The following ASB7 variants were observed in gnomAD, a reference collection of about 807,000 sequenced individuals.
The protein encoded by ASB7 is ankyrin repeat and SOCS box protein 7.
In ASB7, 4 loss-of-function variants were observed where a neutral mutation model predicts 32.5. The ratio of observed to expected loss-of-function variants is 0.12; its 90% CI spans 0.06 to 0.28. ASB7 has a LOEUF of 0.28. Ranked by LOEUF, ASB7 falls within the 10% of genes least tolerant of loss-of-function variation. The pLI is 1.00. For missense variants in ASB7, 181 were observed against 407.1 expected (o/e 0.44, Z 4.78); for synonymous variants, 172 against 155.6 (o/e 1.11, Z -0.78).
intron 2 of ASB7, among the ~76,000 whole-genome samples, chr15:100,608,619 G>A (rs926769828): frequency 2.6e-5 from 4 of 152,060 alleles, no homozygotes; most frequent in Non-Finnish European, 5.9e-5. Context: ...TCTTAGAATC[G>A]GCCATTTGTA....
At chr15:100,610,765 T>C (rs2039689262) in intron 3 of ASB7, among the ~76,000 whole-genome samples, 1 of 152,230 alleles carries the variant, frequency 6.6e-6, no homozygotes, top group African/African-American at 2.4e-5. Context: ...TATCCTGATA[T>C]GTCTAACCTA....
At chr15:100,631,022 C>A (rs548964523) in intron 5 of ASB7, among the ~76,000 whole-genome samples, 161 of 152,314 alleles carry the variant, frequency 1.1e-3, no homozygotes, top group African/African-American at 3.7e-3. Flanking sequence ...ACCCACTCTA[C>A]CCCTTGGAGC....
chr15:100,632,603 G>A (rs764159102), intron 5 of ASB7, among the ~76,000 whole-genome samples: 1 of 152,136 alleles, frequency 6.6e-6, no homozygotes, highest in Non-Finnish European at 1.5e-5. Flanking sequence ...TCTAGCCCGC[G>A]TGCTGTGGGC....
rs141004774 is a variant in ASB7, at chr15:100,621,120, T to C, written c.212-8317T>C. On this transcript the variant is annotated intron_variant, in intron 4 of 5. Transcript: ENST00000332783. ...CTGATGGGAATTTATGAGAGTACAT[T>C]TGGAAAGCAGTTTAGCAGTATGTAT... Among the ~76,000 whole-genome samples the C allele has an allele frequency of 1.5e-3, 235 of 152,344 alleles. 5 individuals carry two copies. Among genetic ancestry groups the C allele is most frequent in the Admixed American group, 0.012 (182 of 15,304 alleles).
chr15:100,604,196 G>A (rs1254254792), intron 2 of ASB7, among the ~76,000 whole-genome samples: 8 of 152,196 alleles, frequency 5.3e-5, no homozygotes. Flanking sequence ...GAGTTTGCTG[G>A]ATTGAAATTT....
intron 4 of ASB7, among the ~76,000 whole-genome samples, chr15:100,613,817 A>C (rs1459272737): frequency 6.6e-6 from 1 of 152,200 alleles, no homozygotes; most frequent in African/African-American, 2.4e-5. Flanking sequence ...CTTTCAAATG[A>C]AGCAAATCTT....
intron 4 of ASB7, among the ~76,000 whole-genome samples, chr15:100,628,509 A>G (rs921821725): frequency 6.6e-5 from 10 of 152,160 alleles, no homozygotes; most frequent in Non-Finnish European, 1.0e-4. Flanking sequence ...GGTCTGATCA[A>G]TTGATCTTTT....
intron 4 of ASB7, among the ~76,000 whole-genome samples, chr15:100,615,902 C>A (rs2039739184): frequency 6.6e-6 from 1 of 152,184 alleles, no homozygotes; most frequent in Admixed American, 6.5e-5. Context: ...TGTAAGTTTT[C>A]ATTTTTCTGC....
intron 5 of ASB7, among the ~76,000 whole-genome samples, chr15:100,634,092 G>A (rs528628558): frequency 1.3e-5 from 2 of 152,316 alleles, no homozygotes; most frequent in East Asian, 3.9e-4. Flanking sequence ...TGAAAAGATT[G>A]TTCCTCAGTA....
chr15:100,618,303 C>T (rs912651240), intron 4 of ASB7, among the ~76,000 whole-genome samples: 5 of 151,540 alleles, frequency 3.3e-5, no homozygotes, highest in South Asian at 2.1e-4. Context: ...TTAGTAGAGA[C>T]GGGGTTTCAC....
chr15:100,642,051 G>A (rs1179556384), intron 5 of ASB7, among the ~76,000 whole-genome samples: 2 of 152,004 alleles, frequency 1.3e-5, no homozygotes, highest in Non-Finnish European at 2.9e-5. Context: ...GCAGACAGGA[G>A]GTACACATGG....
chr15:100,607,772 ATTTG>A (rs1199933668), intron 2 of ASB7, among the ~76,000 whole-genome samples: 1 of 152,178 alleles, frequency 6.6e-6, no homozygotes, highest in African/African-American at 2.4e-5. Context: ...TTCTGTAGAC[ATTTG>A]TTTGTTTGAC....
At chr15:100,618,171 C>A (rs1402112612) in intron 4 of ASB7, among the ~76,000 whole-genome samples, 1 of 152,140 alleles carries the variant, frequency 6.6e-6, no homozygotes, top group Non-Finnish European at 1.5e-5. Context: ...GGCTGGAGTG[C>A]AGTGGCGTGA....
At chr15:100,633,120 A>G (rs2039895998) in intron 5 of ASB7, among the ~76,000 whole-genome samples, 1 of 152,022 alleles carries the variant, frequency 6.6e-6, no homozygotes. Flanking sequence ...ACCTGCCTGA[A>G]TAATGAGCGC....
At chr15:100,622,808 C>T (rs1225341656) in intron 4 of ASB7, among the ~76,000 whole-genome samples, 2 of 152,134 alleles carry the variant, frequency 1.3e-5, no homozygotes, top group Non-Finnish European at 2.9e-5. Flanking sequence ...AAAACATAAA[C>T]ATAAGACCTG....
chr15:100,627,114 A>G (rs2039846186), intron 4 of ASB7, among the ~76,000 whole-genome samples: 1 of 152,134 alleles, frequency 6.6e-6, no homozygotes, highest in Non-Finnish European at 1.5e-5. Context: ...CCTCATATTC[A>G]TAGGTAATGT....
intron 5 of ASB7, chr15:100,645,922 G>A (rs1010253703): frequency 1.6e-6 from 1 of 634,460 alleles, no homozygotes; most frequent in Non-Finnish European, 3.0e-6. Context: ...GCCAGAGAAG[G>A]TCACTATGGG....
intron 4 of ASB7, among the ~76,000 whole-genome samples, chr15:100,613,589 A>G (rs1171952483): frequency 6.6e-6 from 1 of 152,364 alleles, no homozygotes; most frequent in East Asian, 1.9e-4. Context: ...TGAAAGGGAA[A>G]TAGAAGTGGA....
In ASB7 at chr15:100,649,473, A is replaced by G. The variant is rs1396643527; in HGVS notation, c.*1011A>G. The G allele has an allele frequency of 6.6e-6, 1 of 152,152 alleles. No homozygotes were observed. Among genetic ancestry groups the G allele is most frequent in the African/African-American group, 2.4e-5 (1 of 41,434 alleles). 9.4% of individuals were successfully genotyped at this position (152,152 alleles called of 1,614,324 possible). On this transcript the variant is annotated 3_prime_UTR_variant, in exon 6 of 6. Transcript: ENST00000332783. ...AAAATTGTTAAATCATTTGGCTTTAATGGTTCAATAATTTGGGGTGGCTTC... is the reference window on the plus strand; with the variant it reads ...AAAATTGTTAAATCATTTGGCTTTAGTGGTTCAATAATTTGGGGTGGCTTC...
Sources: gnomAD v4.1 joint callset for allele counts (sites outside exome capture counted in the v4.1 genomes callset) on GRCh38, gnomAD v4.1.1 for gene constraint, MANE v1.5 for transcripts, NCBI Gene and HGNC (gene_info 2026-07-23, HGNC 2026-07-21) for gene names.